The following SETD5 variants were observed in gnomAD, a reference collection of about 807,000 sequenced individuals.
SETD5 encodes the protein SET domain containing 5.
In SETD5, 44 loss-of-function variants were observed where a neutral mutation model predicts 153.3. That is an observed-to-expected ratio of 0.29 (90% CI 0.23 to 0.37). The LOEUF is 0.37. Ranked by LOEUF, SETD5 falls within the 10% of genes least tolerant of loss-of-function variation. The probability of loss-of-function intolerance (pLI) is 1.00; values close to 1 mark genes in which losing one functional copy is unlikely to be tolerated. For missense variants in SETD5, 1,544 were observed against 1,768.0 expected (o/e 0.87, Z 2.27); for synonymous variants, 716 against 645.2 (o/e 1.11, Z -1.66).
At chr3:9,429,133 A>G in intron 3 of SETD5, 124 bp downstream of exon 3, 1 of 552,162 alleles carries the variant, frequency 1.8e-6, no homozygotes, top group Non-Finnish European at 3.1e-6. Flanking sequence ...TGTAATTAAC[A>G]TTAGACCTTT....
At position 9,412,396 on chromosome 3, in the gene SETD5, T is replaced by G. The variant is rs60753550; in HGVS notation, c.-176-12071T>G. Among the ~76,000 whole-genome samples the G allele has an allele frequency of 5.1e-3, 716 of 139,264 alleles. 5 individuals carry two copies. Among genetic ancestry groups the G allele is most frequent in the African/African-American group, 0.017 (644 of 37,976 alleles). 91.4% of individuals were successfully genotyped at this position (139,264 alleles called of 152,430 possible). On this transcript the variant is annotated intron_variant, in intron 1 of 22. Coordinates refer to ENST00000402198, the MANE Select transcript of SETD5 (RefSeq NM_001080517.3). ...CAGTGCACAGTTTTGGGTTTTTTTT[T>G]TTTTTTTTTTTTTTTTTTTTTAAAG...
chr3:9,403,854 G>A (rs540773370), intron 1 of SETD5, among the ~76,000 whole-genome samples: 20 of 152,272 alleles, frequency 1.3e-4, no homozygotes, highest in African/African-American at 4.8e-4. Context: ...TCATTAAAAT[G>A]TTAAAGGATC....
At chr3:9,400,419 C>T (rs1013116740) in intron 1 of SETD5, among the ~76,000 whole-genome samples, 73 of 152,294 alleles carry the variant, frequency 4.8e-4, no homozygotes, top group African/African-American at 1.7e-3. Flanking sequence ...GCTCACATAT[C>T]ATGCCTTCCT....
At chr3:9,466,408 A>T (rs1434926698) in intron 18 of SETD5, among the ~76,000 whole-genome samples, 1 of 152,060 alleles carries the variant, frequency 6.6e-6, no homozygotes, top group Non-Finnish European at 1.5e-5. Context: ...AAACACTGCA[A>T]ATATAAAGTG....
In SETD5 at chr3:9,433,912, A is replaced by G. The variant is rs1038347148; in HGVS notation, c.139A>G (p.Thr47Ala). The change falls in exon 4 of 23, where the codon ACC becomes GCC. Residue 47 changes from threonine (T) to alanine (A), a missense_variant. This residue lies in a region of SETD5 where 251 missense variants were observed against 326.9 expected (regional missense o/e 0.77). Transcript: ENST00000402198. ...CGTGTATTCCACTCATAATTATGGG[A>G]CCACTCAGAGGCATGGGTGTCGAGG... ...KSVYSTHNYG[T>A]TQRHGCRGLP... The G allele has an allele frequency of 6.2e-7, 1 of 1,613,902 alleles. No homozygotes were observed. The highest frequency in any genetic ancestry group is 1.1e-5 in the South Asian group (1 of 91,076).
At chr3:9,404,945 T>C (rs2035419419) in intron 1 of SETD5, among the ~76,000 whole-genome samples, 1 of 152,224 alleles carries the variant, frequency 6.6e-6, no homozygotes, top group Non-Finnish European at 1.5e-5. Context: ...TCCACCTTAT[T>C]TCCTGCTATT....
Position 9,445,079 on chromosome 3 carries a change from G to A in SETD5, c.1219G>A (p.Gly407Arg). 6.2e-7 allele frequency: 1 copy of A among 1,613,818 alleles called. No individual in the cohort carries two copies. Among genetic ancestry groups the A allele is most frequent in the East Asian group, 2.2e-5 (1 of 44,884 alleles). Reference protein sequence around the residue: ...NYKVDCACHKGNRNCPIQKRN... With the variant: ...NYKVDCACHKRNRNCPIQKRN... ...TAAAGTGGACTGTGCCTGTCACAAGGGAAACCGGAATTGTCCTATACAAAA... is the reference window on the plus strand; with the variant it reads ...TAAAGTGGACTGTGCCTGTCACAAGAGAAACCGGAATTGTCCTATACAAAA... Residue 407 changes from glycine to arginine, a missense_variant, in exon 12 of 23, where the codon GGA (glycine) becomes AGA (arginine). Physicochemically the swap from Gly to Arg is moderately radical, Grantham distance 125. Around this residue, in one of 9 missense-constraint regions of SETD5, gnomAD observed 46 missense variants for 111.8 expected, o/e 0.41. Coordinates refer to ENST00000402198, the MANE Select transcript of SETD5 (RefSeq NM_001080517.3).
intron 11 of SETD5, among the ~76,000 whole-genome samples, chr3:9,444,842 C>T (rs1292807014): frequency 6.6e-6 from 1 of 152,138 alleles, no homozygotes; most frequent in Admixed American, 6.5e-5. Context: ...CACCACTGCA[C>T]TCCAGCCTAG....
Position 9,476,262 on chromosome 3 carries a change from T to A in SETD5, c.*171T>A. ...TGTGGTCACAATTGGCCTCTGGCCT[T>A]GGAGAAAGCTGTAAATCTTGTCTGA... On this transcript the variant is annotated 3_prime_UTR_variant, in exon 23 of 23. Transcript: ENST00000402198. 1.2e-6 allele frequency: 1 copy of A among 845,292 alleles called. No homozygotes were observed. Among genetic ancestry groups the A allele is most frequent in the South Asian group, 1.9e-5 (1 of 53,392 alleles). The allele number at this position is 845,292 out of a possible 1,614,324, so 52.4% of individuals were successfully genotyped here.
intron 3 of SETD5, among the ~76,000 whole-genome samples, chr3:9,432,102 G>A (rs1041482616): frequency 1.1e-4 from 17 of 151,996 alleles, no homozygotes; most frequent in Non-Finnish European, 2.1e-4. Flanking sequence ...AGAGATGATT[G>A]CCTCTCAGTG....
At chr3:9,443,754 G>C (rs1450998349) in intron 11 of SETD5, among the ~76,000 whole-genome samples, 2 of 152,194 alleles carry the variant, frequency 1.3e-5, no homozygotes, top group Non-Finnish European at 2.9e-5. Flanking sequence ...GAGTACTTAT[G>C]TCAGGGACCA....
chr3:9,430,900 A>T, intron 3 of SETD5: 1 of 985,424 alleles, frequency 1.0e-6, no homozygotes, highest in Non-Finnish European at 1.2e-6. Flanking sequence ...TTCATTCATG[A>T]TCTCCAGACA....
intron 1 of SETD5, among the ~76,000 whole-genome samples, chr3:9,403,318 T>A (rs2035120544): frequency 1.3e-5 from 2 of 152,156 alleles, no homozygotes; most frequent in African/African-American, 4.8e-5. Context: ...CTCTGCACCC[T>A]CCTAGGTGCA....
intron 1 of SETD5, among the ~76,000 whole-genome samples, chr3:9,422,374 T>C (rs1472768639): frequency 6.6e-6 from 1 of 152,190 alleles, no homozygotes; most frequent in Non-Finnish European, 1.5e-5. Flanking sequence ...ATCTATGAAA[T>C]ATACTTTCTG....
At chr3:9,411,736 G>A (rs755111860) in intron 1 of SETD5, among the ~76,000 whole-genome samples, 5 of 152,162 alleles carry the variant, frequency 3.3e-5, no homozygotes, top group Admixed American at 6.5e-5. Context: ...TTATTGTTAC[G>A]AGTATTTGAT....
chr3:9,443,563 TGTAAA>T (rs2041562038), intron 11 of SETD5, 146 bp downstream of exon 11: 1 of 483,718 alleles, frequency 2.1e-6, no homozygotes, highest in East Asian at 3.7e-5. Flanking sequence ...GCCTAGAAAT[TGTAAA>T]GGAAAAGACA....
rs2045795214 is a variant in SETD5, at chr3:9,475,773, G to C, written c.4011G>C (p.Arg1337Ser). The C allele has an allele frequency of 6.2e-7, 1 of 1,613,886 alleles. No individual in the cohort carries two copies. Among genetic ancestry groups the C allele is most frequent in the African/African-American group, 1.3e-5 (1 of 74,934 alleles). The change falls in exon 23 of 23, where the codon AGG becomes AGC. Residue 1337 changes from arginine (R) to serine (S), a missense_variant. Physicochemically the swap from Arg to Ser is moderately radical, Grantham distance 110. Coordinates refer to ENST00000402198, the MANE Select transcript of SETD5 (RefSeq NM_001080517.3). ...SGNSTGSNLP[R>S]RSCPSSAASP... ...ACAGCACTGGCAGCAATCTTCCAAG[G>C]AGGAGCTGCCCTTCTAGTGCTGCTA...
At chr3:9,447,391 T>A in intron 14 of SETD5, 84 bp downstream of exon 14, 1 of 1,513,280 alleles carries the variant, frequency 6.6e-7, no homozygotes, top group Non-Finnish European at 8.8e-7. Context: ...TTAAAATCAG[T>A]GTTTTCAGCT....
At chr3:9,469,096 C>G (rs539444698) in intron 18 of SETD5, among the ~76,000 whole-genome samples, 2 of 152,124 alleles carry the variant, frequency 1.3e-5, no homozygotes, top group African/African-American at 4.8e-5. Flanking sequence ...GAAAGTCATT[C>G]TGTCTTTCAG....
Sources: gnomAD v4.1 joint callset for allele counts (sites outside exome capture counted in the v4.1 genomes callset) on GRCh38, gnomAD v4.1.1 for gene constraint, gnomAD v4.1.1 regional missense constraint, MANE v1.5 for transcripts, NCBI Gene and HGNC (gene_info 2026-07-23, HGNC 2026-07-21) for gene names.